CCNJ: variants seen among roughly 807,000 people sequenced by gnomAD.
CCNJ encodes cyclin J.
CCNJ carries 12 observed loss-of-function variants against 41.4 expected under a neutral mutation model. The ratio of observed to expected loss-of-function variants is 0.29; its 90% CI spans 0.19 to 0.47. CCNJ has a LOEUF of 0.47. CCNJ is among the 20% of genes least tolerant of loss of function. CCNJ has a pLI of 1.00. For synonymous variants in CCNJ, 161 were observed against 173.4 expected, an observed-to-expected ratio of 0.93 and a Z score of 0.56; for missense variants, 340 against 464.6, an observed-to-expected ratio of 0.73 and a Z score of 2.47.
chr10:96,045,627 G>T (rs1475748238), intron 2 of CCNJ, among the ~76,000 whole-genome samples: 1 of 148,438 alleles, frequency 6.7e-6, no homozygotes, highest in African/African-American at 2.6e-5. Flanking sequence ...TCTCTGGAGT[G>T]TTAGTTAGGA....
intron 1 of CCNJ, 86 bp from the exon 2 acceptor site, chr10:96,044,267 G>T (rs1293550559): frequency 3.5e-6 from 2 of 577,516 alleles, no homozygotes; most frequent in Admixed American, 3.9e-5. Flanking sequence ...GCCACACCGG[G>T]TGGCCTGAGG....
rs2080770375 is a variant in CCNJ at position 96,059,317 on chromosome 10, T to A, written c.*1076T>A. 1 of 152,648 alleles carries A rather than the reference T, an allele frequency of 6.6e-6. No individual in the cohort carries two copies. The highest frequency in any genetic ancestry group is 2.4e-5 in the African/African-American group (1 of 41,462). The allele number at this position is 152,648 out of a possible 1,614,324, so 9.5% of individuals were successfully genotyped here. ...TGTGCTAGAGCAGCACTTTGTTATG[T>A]GGAAGACAGGTTTTTTAAGCAACCT... On this transcript the variant is annotated 3_prime_UTR_variant, in exon 6 of 6. Transcript: ENST00000465148.
At chr10:96,050,198 G>C in intron 2 of CCNJ, 58 bp from the exon 3 acceptor site, 1 of 1,106,304 alleles carries the variant, frequency 9.0e-7, no homozygotes. Flanking sequence ...TTAAGTCATT[G>C]CCTTGTGGGG....
At chr10:96,054,035 C>G (rs1000809700) in intron 3 of CCNJ, among the ~76,000 whole-genome samples, 3 of 152,176 alleles carry the variant, frequency 2.0e-5, no homozygotes, top group Middle Eastern at 3.2e-3. Context: ...TAAATCTTCT[C>G]TACCACATAC....
rs2080758227 is a variant in CCNJ, at chr10:96,058,726, A to T, written c.*485A>T. The T allele has an allele frequency of 2.6e-6, 1 of 382,224 alleles. No homozygotes were observed. Among genetic ancestry groups the T allele is most frequent in the South Asian group, 1.4e-4 (1 of 7,116 alleles). 23.7% of individuals were successfully genotyped at this position (382,224 alleles called of 1,614,324 possible). The stretch of plus-strand genomic sequence containing the variant: ...ATTTTTTATTTTTGTTCTACACATG[A>T]ATTTTTGACTAAGTTTAAACTCATG... On this transcript the variant is annotated 3_prime_UTR_variant, in exon 6 of 6. Coordinates refer to ENST00000465148, the MANE Select transcript of CCNJ (RefSeq NM_001134375.2).
In CCNJ at chr10:96,058,101, G is replaced by C. The variant is rs1454259635; in HGVS notation, c.1012G>C (p.Gly338Arg). The change falls in exon 6 of 6, where the codon GGC becomes CGC. Residue 338 changes from glycine to arginine, a missense_variant. By Grantham distance (125) the Gly-to-Arg change is moderately radical. Coordinates refer to ENST00000465148, the MANE Select transcript of CCNJ (RefSeq NM_001134375.2). ...TGCTGGCTTCCAAACTAGTGTTCAG[G>C]GCCTTGGGCACATGCAGACTGGTGT... ...CPAGFQTSVQ[G>R]LGHMQTGVGM... The C allele has an allele frequency of 6.2e-7, 1 of 1,614,122 alleles. No homozygotes were observed. Among genetic ancestry groups the C allele is most frequent in the South Asian group, 1.1e-5 (1 of 91,080 alleles).
In CCNJ at chr10:96,043,692, G is replaced by A. The variant is rs909395034; in HGVS notation, c.-69G>A. On this transcript the variant is annotated 5_prime_UTR_variant, in exon 1 of 6. Coordinates refer to ENST00000465148, the MANE Select transcript of CCNJ (RefSeq NM_001134375.2). ...CCGGCGTCCGCCGCACGACGGCGGG[G>A]CTGGGGCTGTGAGGGCCGCGGTTCC... 1 of 393,812 alleles carries A rather than the reference G, an allele frequency of 2.5e-6. No individual in the cohort carries two copies. Among genetic ancestry groups the A allele is most frequent in the Non-Finnish European group, 4.5e-6 (1 of 222,992 alleles). 24.4% of individuals were successfully genotyped at this position (393,812 alleles called of 1,614,324 possible). A position where few individuals can be genotyped will look rare whatever the true frequency, so the allele number is the denominator to read the frequency against.
At chr10:96,051,327 GTGTT>G (rs984895262) in intron 3 of CCNJ, among the ~76,000 whole-genome samples, 1 of 151,832 alleles carries the variant, frequency 6.6e-6, no homozygotes, top group Non-Finnish European at 1.5e-5. Context: ...AATTGAAATT[GTGTT>G]TTTTTTTCTT....
Position 96,054,478 on chromosome 10 carries a change from G to A in CCNJ, c.281-2223G>A, listed in dbSNP as rs1418772495. Among the ~76,000 whole-genome samples the A allele has an allele frequency of 3.3e-5, 5 of 152,244 alleles. No individual in the cohort carries two copies. The East Asian group carries it at 9.6e-4, about 29-fold the overall frequency. Reference sequence around the variant, plus strand: ...TTTGAACCCTGAATTAAAACCCCAAGTATGGTTATTTATTCAGAATCAGAT... The same window carrying A: ...TTTGAACCCTGAATTAAAACCCCAAATATGGTTATTTATTCAGAATCAGAT... On this transcript the variant is annotated intron_variant, in intron 3 of 5. Coordinates refer to ENST00000465148, the MANE Select transcript of CCNJ (RefSeq NM_001134375.2).
upstream of CCNJ, among the ~76,000 whole-genome samples, chr10:96,043,145 G>A (rs1451226192): frequency 6.6e-6 from 1 of 152,182 alleles, no homozygotes; most frequent in Non-Finnish European, 1.5e-5. Flanking sequence ...AAGGTAAACC[G>A]AATCCATGCC....
chr10:96,053,324 TA>T (rs772293866), intron 3 of CCNJ, among the ~76,000 whole-genome samples: 2 of 151,350 alleles, frequency 1.3e-5, no homozygotes, highest in Non-Finnish European at 3.0e-5. Context: ...AAGATGGAAA[TA>T]AAGATACCTT....
chr10:96,058,532 G>A lies in CCNJ; in HGVS notation c.*291G>A. ...AATATTCAGTACAACAGAAAATTTG[G>A]ACAGACTTCAATTTGCCATTTTGAG... On this transcript the variant is annotated 3_prime_UTR_variant, in exon 6 of 6. Coordinates refer to ENST00000465148, the MANE Select transcript of CCNJ (RefSeq NM_001134375.2). 2.1e-6 allele frequency: 1 copy of A among 467,504 alleles called. No homozygotes were observed. The highest frequency in any genetic ancestry group is 3.7e-5 in the Admixed American group (1 of 26,910). The allele number at this position is 467,504 out of a possible 1,614,324, so 29.0% of individuals were successfully genotyped here.
At chr10:96,047,978 G>A (rs2901894) in intron 2 of CCNJ, among the ~76,000 whole-genome samples, 4 of 145,508 alleles carry the variant, frequency 2.7e-5, no homozygotes, top group Non-Finnish European at 4.5e-5. Context: ...GTTGTTCCCC[G>A]CAACATGTGT....
chr10:96,048,390 C>T (rs1163724227), intron 2 of CCNJ, among the ~76,000 whole-genome samples: 4 of 152,166 alleles, frequency 2.6e-5, no homozygotes, highest in Non-Finnish European at 5.9e-5. Flanking sequence ...AACTAATTTA[C>T]ACTCCCACCA....
intron 2 of CCNJ, among the ~76,000 whole-genome samples, chr10:96,045,682 CTT>C (rs34579425): frequency 3.5e-5 from 5 of 143,828 alleles, no homozygotes; most frequent in Non-Finnish European, 4.6e-5. Context: ...CACTTTTGAT[CTT>C]TTTTTTTTTT....
At chr10:96,048,183 A>G (rs1037497797) in intron 2 of CCNJ, among the ~76,000 whole-genome samples, 3 of 152,154 alleles carry the variant, frequency 2.0e-5, no homozygotes, top group African/African-American at 7.2e-5. Flanking sequence ...CCAGTCTATC[A>G]TTGATGGGCA....
At position 96,057,348 on chromosome 10, in the gene CCNJ, T is replaced by G. The variant is rs2080721867; in HGVS notation, c.740+101T>G. ...TTCTGAAAGGCACAGAGTTCCTAGG[T>G]TATTTGCTTTTGGCAGCAGTTACTT... On this transcript the variant is annotated intron_variant, in intron 5 of 5. Coordinates refer to ENST00000465148, the MANE Select transcript of CCNJ (RefSeq NM_001134375.2). 4.0e-6 allele frequency: 4 copies of G among 1,012,000 alleles called. No individual in the cohort carries two copies. The East Asian group carries it at 9.5e-5, about 24-fold the overall frequency. The allele number at this position is 1,012,000 out of a possible 1,614,324, so 62.7% of individuals were successfully genotyped here. A position where few individuals can be genotyped will look rare whatever the true frequency, so the allele number is the denominator to read the frequency against.
In CCNJ at chr10:96,060,192, G is replaced by A. The variant is rs760106323; in HGVS notation, c.*1951G>A. On this transcript the variant is annotated 3_prime_UTR_variant, in exon 6 of 6. Transcript: ENST00000465148. ...CACATTCAGAACCCAGCAACCTGGA[G>A]TCCAATTTTCAGTATTTTAACTACC... is the stretch of plus-strand genomic sequence containing the variant. 2.0e-5 allele frequency: 3 copies of A among 152,582 alleles called. No homozygotes were observed. The highest frequency in any genetic ancestry group is 4.4e-5 in the Non-Finnish European group (3 of 68,000). The allele number at this position is 152,582 out of a possible 1,614,324, so 9.5% of individuals were successfully genotyped here.
At chr10:96,045,843 T>G (rs1308673362) in intron 2 of CCNJ, among the ~76,000 whole-genome samples, 1 of 152,184 alleles carries the variant, frequency 6.6e-6, no homozygotes, top group Non-Finnish European at 1.5e-5. Flanking sequence ...GTACTTTTTT[T>G]TTGAGTTGGA....
Sources: gnomAD v4.1 joint callset for allele counts (sites outside exome capture counted in the v4.1 genomes callset) on GRCh38, gnomAD v4.1.1 for gene constraint, MANE v1.5 for transcripts, NCBI Gene and HGNC (gene_info 2026-07-23, HGNC 2026-07-21) for gene names.